LRCH1: variants seen among roughly 807,000 people sequenced by gnomAD.
The protein encoded by LRCH1 is leucine rich repeats and calponin homology domain containing 1.
In LRCH1, 23 loss-of-function variants were observed where a neutral mutation model predicts 94.9. The observed-to-expected ratio is 0.24, with a 90% confidence interval of 0.17 to 0.34. The LOEUF is 0.34. Among genes scored for constraint, LRCH1 ranks in the 10% least tolerant of loss-of-function variants. LRCH1 has a pLI of 1.00. For missense variants in LRCH1, 790 were observed against 945.9 expected, an observed-to-expected ratio of 0.84 and a Z score of 2.16; for synonymous variants, 364 against 354.9, an observed-to-expected ratio of 1.03 and a Z score of -0.29.
chr13:46,661,665 G>A (rs1288089165), intron 2 of LRCH1, among the ~76,000 whole-genome samples: 1 of 152,210 alleles, frequency 6.6e-6, no homozygotes, highest in Non-Finnish European at 1.5e-5. Flanking sequence ...TTTCCTTGGA[G>A]GGATGAGTAG....
At chr13:46,560,140 C>CATATATATATATGTAT in intron 1 of LRCH1, among the ~76,000 whole-genome samples, 1 of 133,892 alleles carries the variant, frequency 7.5e-6, no homozygotes, top group African/African-American at 2.5e-5. Context: ...TCTGTTCCCC[C>CATATATATATATGTAT]ATATATATAG....
At chr13:46,720,684 C>A (rs76579310) in intron 16 of LRCH1, among the ~76,000 whole-genome samples, 3 of 151,914 alleles carry the variant, frequency 2.0e-5, no homozygotes, top group Non-Finnish European at 4.4e-5. Context: ...GGACCCAGAC[C>A]GTTCACTGGA....
intron 3 of LRCH1, among the ~76,000 whole-genome samples, chr13:46,673,746 ATTTTTTTTTTTTT>A (rs546225715): frequency 1.8e-5 from 2 of 108,268 alleles, no homozygotes; most frequent in African/African-American, 7.3e-5. Context: ...TCCAAATGGA[ATTTTTTTTTTTTT>A]TTTTTTTTTT....
chr13:46,744,876 A>G lies in LRCH1; in HGVS notation c.*3028A>G. ...CTTCGTATTTCAAAATTAGTTCTCA[A>G]TAAACAATCAATTTGGTATATAGAA... is the stretch of plus-strand genomic sequence containing the variant. On this transcript the variant is annotated 3_prime_UTR_variant, in exon 20 of 20. Coordinates refer to ENST00000389797, the MANE Select transcript of LRCH1 (RefSeq NM_001164211.2). The G allele has an allele frequency of 1.0e-6, 1 of 984,676 alleles. No homozygotes were observed. The highest frequency in any genetic ancestry group is 1.2e-6 in the Non-Finnish European group (1 of 829,488). The allele number at this position is 984,676 out of a possible 1,614,324, so 61.0% of individuals were successfully genotyped here.
At chr13:46,746,780 T>G (rs753148306), downstream of LRCH1, among the ~76,000 whole-genome samples, 2 of 152,194 alleles carry the variant, frequency 1.3e-5, no homozygotes. Context: ...GATTCATTCC[T>G]AAGTCCAGCT....
chr13:46,709,042 G>A (rs1871923340), intron 13 of LRCH1, among the ~76,000 whole-genome samples: 1 of 152,190 alleles, frequency 6.6e-6, no homozygotes, highest in South Asian at 2.1e-4. Flanking sequence ...CTTATTTGAT[G>A]TACAGATCTC....
intron 1 of LRCH1, among the ~76,000 whole-genome samples, chr13:46,589,593 C>CTTTTT (rs762747151): frequency 1.5e-3 from 119 of 77,684 alleles, no homozygotes; most frequent in Non-Finnish European, 1.8e-3. Context: ...AGTTCTCTCA[C>CTTTTT]TTTTTTTTTT....
At chr13:46,582,205 A>G (rs2050376377) in intron 1 of LRCH1, among the ~76,000 whole-genome samples, 1 of 151,260 alleles carries the variant, frequency 6.6e-6, no homozygotes, top group Non-Finnish European at 1.5e-5. Context: ...AAATCTGCTC[A>G]TTTCATGATC....
downstream of LRCH1, among the ~76,000 whole-genome samples, chr13:46,745,425 G>A (rs763734147): frequency 3.9e-5 from 6 of 152,066 alleles, no homozygotes; most frequent in African/African-American, 9.7e-5. Context: ...GACCGTGAAC[G>A]CATCCTGGGA....
At chr13:46,738,576 A>G (rs1218822765) in intron 19 of LRCH1, among the ~76,000 whole-genome samples, 3 of 152,210 alleles carry the variant, frequency 2.0e-5, no homozygotes, top group Admixed American at 1.3e-4. Flanking sequence ...TCTTAAGAAT[A>G]AGAGAAATGG....
intron 6 of LRCH1, among the ~76,000 whole-genome samples, chr13:46,688,779 T>G (rs950246060): frequency 4.6e-5 from 7 of 152,214 alleles, no homozygotes; most frequent in African/African-American, 1.7e-4. Flanking sequence ...TAAAAGCAGT[T>G]ATGTGGTTTA....
intron 1 of LRCH1, among the ~76,000 whole-genome samples, chr13:46,616,370 C>A (rs374833670): frequency 1.7e-4 from 26 of 152,276 alleles, no homozygotes; most frequent in African/African-American, 6.0e-4. Context: ...TTAAACAGAA[C>A]CTTTGTCTGA....
intron 1 of LRCH1, among the ~76,000 whole-genome samples, chr13:46,582,461 G>A (rs1336113208): frequency 8.6e-6 from 1 of 116,298 alleles, no homozygotes; most frequent in African/African-American, 3.3e-5. Context: ...AGTTCCTTTG[G>A]ATGTCTTAAT....
intron 2 of LRCH1, among the ~76,000 whole-genome samples, chr13:46,657,708 T>TTTTTTTTTTTTC (rs2051394355): frequency 1.5e-5 from 2 of 136,784 alleles, no homozygotes; most frequent in Non-Finnish European, 3.1e-5. Flanking sequence ...TTTTTTTTTT[T>TTTTTTTTTTTTC]GGTAGAGATG....
chr13:46,553,284 G>A lies in LRCH1; in HGVS notation c.-113G>A. ...CACACCCTCCTCCCCTCCTTCCAGC[G>A]CCTTTCGGTGGAGCACTGCGGCACT... On this transcript the variant is annotated 5_prime_UTR_variant, in exon 1 of 20. Coordinates refer to ENST00000389797, the MANE Select transcript of LRCH1 (RefSeq NM_001164211.2). The A allele has an allele frequency of 1.7e-6, 1 of 572,676 alleles. No homozygotes were observed. The highest frequency in any genetic ancestry group is 6.1e-5 in the East Asian group (1 of 16,508). 35.5% of individuals were successfully genotyped at this position (572,676 alleles called of 1,614,324 possible). A position where few individuals can be genotyped will look rare whatever the true frequency, so the allele number is the denominator to read the frequency against.
At chr13:46,703,510 G>A (rs367732689) in intron 11 of LRCH1, among the ~76,000 whole-genome samples, 18 of 152,072 alleles carry the variant, frequency 1.2e-4, no homozygotes, top group African/African-American at 3.6e-4. Context: ...ATAAAACTTC[G>A]GAGTGAAATC....
chr13:46,694,377 G>T (rs1871066714), intron 8 of LRCH1, among the ~76,000 whole-genome samples: 1 of 152,146 alleles, frequency 6.6e-6, no homozygotes, highest in African/African-American at 2.4e-5. Context: ...GGCCCTTCTT[G>T]TAGACACTTC....
At chr13:46,627,073 C>G (rs1429110161) in intron 1 of LRCH1, among the ~76,000 whole-genome samples, 1 of 152,150 alleles carries the variant, frequency 6.6e-6, no homozygotes, top group Non-Finnish European at 1.5e-5. Context: ...ATCTGCTAGA[C>G]TCAAGTTTGC....
In LRCH1 at chr13:46,663,725, A is replaced by G. The variant is rs576286501; in HGVS notation, c.453-5305A>G. The stretch of plus-strand genomic sequence containing the variant: ...TGTAGGTCGAGTGCCAAGCACAGAC[A>G]GTAATATTCAAATCAACAATGACTG... On this transcript the variant is annotated intron_variant, in intron 2 of 19. Coordinates refer to ENST00000389797, the MANE Select transcript of LRCH1 (RefSeq NM_001164211.2). 5.3e-5 allele frequency among the ~76,000 whole-genome samples: 8 copies of G among 152,362 alleles called. No individual in the cohort carries two copies. In the South Asian group the frequency reaches 1.7e-3, roughly 32 times the overall value.
Sources: gnomAD v4.1 joint callset for allele counts (sites outside exome capture counted in the v4.1 genomes callset) on GRCh38, gnomAD v4.1.1 for gene constraint, MANE v1.5 for transcripts, NCBI Gene and HGNC (gene_info 2026-07-23, HGNC 2026-07-21) for gene names.